ASXL2: variants seen among roughly 807,000 people sequenced by gnomAD.
The protein encoded by ASXL2 is ASXL transcriptional regulator 2.
In ASXL2, 23 loss-of-function variants were observed where a neutral mutation model predicts 122.0. That is an observed-to-expected ratio of 0.19 (90% confidence interval 0.14 to 0.27). The LOEUF is 0.27. Among genes scored for constraint, ASXL2 ranks in the 10% least tolerant of loss-of-function variants. ASXL2 has a pLI of 1.00. For synonymous variants in ASXL2, 650 were observed against 637.0 expected (o/e 1.02, Z -0.31); for missense variants, 1,518 against 1,713.8 (o/e 0.89, Z 2.02).
In ASXL2 at chr2:25,741,121, A is replaced by G. The variant is rs2149135016; in HGVS notation, c.*908T>C. 4.9e-6 allele frequency: 1 copy of G among 204,264 alleles called. No individual in the cohort carries two copies. The highest frequency in any genetic ancestry group is 1.9e-4 in the South Asian group (1 of 5,266). 12.7% of individuals were successfully genotyped at this position (204,264 alleles called of 1,614,324 possible). On this transcript the variant is annotated 3_prime_UTR_variant, in exon 13 of 13. Transcript: ENST00000435504. ...CAACAAGATGTAGCTCAAATCACCC[A>G]ATCACTAACACTTTCCTGTTCATTT...
At chr2:25,801,512 T>C (rs1361658960) in intron 4 of ASXL2, among the ~76,000 whole-genome samples, 1 of 152,232 alleles carries the variant, frequency 6.6e-6, no homozygotes, top group Non-Finnish European at 1.5e-5. Context: ...ACACACCCTA[T>C]ATTTTTCTAT....
intron 3 of ASXL2, among the ~76,000 whole-genome samples, chr2:25,806,993 C>T (rs1001704538): frequency 5.3e-5 from 8 of 151,812 alleles, no homozygotes; most frequent in Middle Eastern, 3.2e-3. Flanking sequence ...TAAAATAGTG[C>T]TATAATACTT....
chr2:25,873,789 T>A (rs1186970393), intron 1 of ASXL2, among the ~76,000 whole-genome samples: 1 of 151,980 alleles, frequency 6.6e-6, no homozygotes, highest in African/African-American at 2.4e-5. Flanking sequence ...AAACACCCAA[T>A]GTCCCTTAAG....
rs114524674 is a variant in ASXL2 at position 25,798,824 on chromosome 2, C to T, written c.403+561G>A. ...CAGGAAGGGATGAAGAGCTGGAGCA[C>T]AGAAGATTTGAGGGCAATGAAACTA... On this transcript the variant is annotated intron_variant, in intron 5 of 12. Coordinates refer to ENST00000435504, the MANE Select transcript of ASXL2 (RefSeq NM_018263.6). Among the ~76,000 whole-genome samples the T allele has an allele frequency of 3.4e-3, 517 of 152,254 alleles. 4 individuals are homozygous for T. Among genetic ancestry groups the T allele is most frequent in the African/African-American group, 0.012 (485 of 41,558 alleles).
rs2149146399 is a variant in ASXL2, at chr2:25,759,516, C to T, written c.905G>A (p.Arg302Gln). ...FSVLPGDCQQ[R>Q]LLLLLPEVDR... is the part of the protein sequence containing the mutation. Reference sequence around the variant, plus strand: ...TACCTCTGGGAGTAGTAAAAGCAGTCGTTGCTGGCAATCTCCAGGAAGGAC... The same window carrying T: ...TACCTCTGGGAGTAGTAAAAGCAGTTGTTGCTGGCAATCTCCAGGAAGGAC... Residue 302 changes from arginine to glutamine, a missense_variant, in exon 9 of 13, where the codon CGA becomes CAA. By Grantham distance (43) the Arg-to-Gln change is conservative (BLOSUM62 1). Coordinates refer to ENST00000435504, the MANE Select transcript of ASXL2 (RefSeq NM_018263.6). 6.2e-7 allele frequency: 1 copy of T among 1,613,874 alleles called. No homozygotes were observed. Among genetic ancestry groups the T allele is most frequent in the South Asian group, 1.1e-5 (1 of 91,064 alleles).
chr2:25,803,985 T>G (rs1264033461), intron 4 of ASXL2, among the ~76,000 whole-genome samples: 1 of 139,140 alleles, frequency 7.2e-6, no homozygotes, highest in South Asian at 2.2e-4. Context: ...AACACTTTGG[T>G]TTTTTTTTCC....
chr2:25,743,151 G>C lies in ASXL2; in HGVS notation c.3186C>G (p.Thr1062=). ...TGAGAGTCTGAAGGATCTGATCTTG[G>C]GTTGCTTTACTTAGTCCTTCGTGGT... is the stretch of plus-strand genomic sequence containing the variant. ...HQYHEGLSKA[T]QDQILQTLIQ... The change falls in exon 13 of 13, where the codon ACC becomes ACG. Residue 1062 remains threonine, a synonymous_variant. Coordinates refer to ENST00000435504, the MANE Select transcript of ASXL2 (RefSeq NM_018263.6). 1 of 1,613,970 alleles carries C rather than the reference G, an allele frequency of 6.2e-7. No individual in the cohort carries two copies. The highest frequency in any genetic ancestry group is 8.5e-7 in the Non-Finnish European group (1 of 1,179,882).
intron 4 of ASXL2, among the ~76,000 whole-genome samples, chr2:25,803,185 T>C (rs902183196): frequency 1.3e-5 from 2 of 152,182 alleles, no homozygotes; most frequent in African/African-American, 4.8e-5. Context: ...GCTGATCACA[T>C]GGAGGTTCCT....
Position 25,857,478 on chromosome 2 carries a change from C to T in ASXL2, c.58-11915G>A, listed in dbSNP as rs558352264. On this transcript the variant is annotated intron_variant, in intron 1 of 12. Transcript: ENST00000435504. ...TCTAATAACAAAGTAGCTTTGCATT[C>T]GTGGAATAAACTTCCAATTAATCAT... is the stretch of plus-strand genomic sequence containing the variant. 3.3e-5 allele frequency among the ~76,000 whole-genome samples: 5 copies of T among 152,248 alleles called. No homozygotes were observed. In the East Asian group the frequency reaches 5.8e-4, roughly 18 times the overall value.
intron 8 of ASXL2, among the ~76,000 whole-genome samples, chr2:25,760,696 C>A (rs2088227401): frequency 6.6e-6 from 1 of 152,208 alleles, no homozygotes. Context: ...TCAAATTAAT[C>A]CCACTGGATT....
At chr2:25,795,128 G>A (rs1446340293) in intron 5 of ASXL2, among the ~76,000 whole-genome samples, 2 of 152,134 alleles carry the variant, frequency 1.3e-5, no homozygotes, top group East Asian at 1.9e-4. Context: ...GACATCATGC[G>A]CACCTCTCAC....
chr2:25,817,445 C>G (rs1030585540), intron 3 of ASXL2, among the ~76,000 whole-genome samples: 10 of 152,118 alleles, frequency 6.6e-5, no homozygotes, highest in Non-Finnish European at 1.2e-4. Flanking sequence ...TAGTAACTTT[C>G]TTGGTCTCTT....
intron 3 of ASXL2, chr2:25,810,437 G>T: frequency 1.4e-6 from 1 of 703,044 alleles, no homozygotes. Context: ...GGCTTTTGCA[G>T]GGCAGTGGCC....
chr2:25,839,910 T>C (rs1239086136), intron 2 of ASXL2, among the ~76,000 whole-genome samples: 2 of 151,684 alleles, frequency 1.3e-5, no homozygotes, highest in Non-Finnish European at 2.9e-5. Flanking sequence ...TTTCTTTTTT[T>C]TGTAAAGACA....
intron 1 of ASXL2, among the ~76,000 whole-genome samples, chr2:25,851,938 A>C (rs2089720427): frequency 6.6e-6 from 1 of 152,154 alleles, no homozygotes. Flanking sequence ...AATGAGAAGA[A>C]TGTGCAGACA....
intron 4 of ASXL2, among the ~76,000 whole-genome samples, chr2:25,800,488 T>A (rs2088979610): frequency 6.6e-6 from 1 of 152,166 alleles, no homozygotes; most frequent in Non-Finnish European, 1.5e-5. Context: ...AAATCTTTTT[T>A]TAAATGAAGG....
At chr2:25,874,268 C>G (rs549757368) in intron 1 of ASXL2, among the ~76,000 whole-genome samples, 192 of 152,240 alleles carry the variant, frequency 1.3e-3, no homozygotes, top group African/African-American at 4.4e-3. Flanking sequence ...GTGGGCAGAT[C>G]GCTTGAGTCC....
intron 1 of ASXL2, among the ~76,000 whole-genome samples, chr2:25,854,025 C>G (rs2089748841): frequency 6.6e-6 from 1 of 152,114 alleles, no homozygotes; most frequent in South Asian, 2.1e-4. Flanking sequence ...TACTTAAATA[C>G]GAAACCTATA....
At chr2:25,864,849 G>A (rs893186967) in intron 1 of ASXL2, among the ~76,000 whole-genome samples, 1 of 119,390 alleles carries the variant, frequency 8.4e-6, no homozygotes. Flanking sequence ...TTTTTTTTTT[G>A]AGACGGAGTT....
Sources: allele counts gnomAD v4.1 joint callset (sites outside exome capture counted in the v4.1 genomes callset), GRCh38; gene constraint gnomAD v4.1.1; transcripts MANE v1.5; gene names NCBI Gene and HGNC (gene_info 2026-07-23, HGNC 2026-07-21).